ROBO1: variants seen among roughly 807,000 people sequenced by gnomAD.
The protein encoded by ROBO1 is roundabout guidance receptor 1.
Under a neutral mutation model 195.9 loss-of-function variants are expected in ROBO1, and 149 were observed. The observed-to-expected ratio is 0.76, with a 90% CI of 0.67 to 0.87. The LOEUF (loss-of-function observed/expected upper bound fraction) is 0.87. Ranked by LOEUF, ROBO1 falls within the 40% of genes least tolerant of loss-of-function variation. The pLI, the probability that ROBO1 is intolerant of heterozygous loss-of-function variation, is 0.00. For synonymous variants in ROBO1, 816 were observed against 733.2 expected (o/e 1.11, Z -1.82); for missense variants, 1,933 against 2,068.3 (o/e 0.93, Z 1.27).
At chr3:79,194,745 C>A (rs2081602689) in intron 2 of ROBO1, among the ~76,000 whole-genome samples, 1 of 151,590 alleles carries the variant, frequency 6.6e-6, no homozygotes, top group African/African-American at 2.4e-5. Context: ...AAACAAAGAT[C>A]ATCTTATTCT....
intron 2 of ROBO1, among the ~76,000 whole-genome samples, chr3:79,245,287 G>A (rs1000152860): frequency 1.3e-5 from 2 of 151,954 alleles, no homozygotes; most frequent in East Asian, 1.9e-4. Flanking sequence ...TTTTCATATG[G>A]CAAACTACTG....
chr3:79,491,100 T>C (rs1025236514), intron 2 of ROBO1, among the ~76,000 whole-genome samples: 5 of 152,114 alleles, frequency 3.3e-5, no homozygotes, highest in Non-Finnish European at 7.4e-5. Flanking sequence ...GAGCCTTTTG[T>C]TAAAGGGCTT....
intron 1 of ROBO1, among the ~76,000 whole-genome samples, chr3:79,621,363 G>A (rs1021613662): frequency 2.6e-5 from 4 of 152,160 alleles, no homozygotes; most frequent in African/African-American, 9.7e-5. Flanking sequence ...GACTCAGTCT[G>A]CCTGCATCCA....
intron 4 of ROBO1, among the ~76,000 whole-genome samples, chr3:78,800,556 G>A (rs1272468649): frequency 6.6e-6 from 1 of 151,840 alleles, no homozygotes; most frequent in African/African-American, 2.4e-5. Flanking sequence ...TTGTTTGTTT[G>A]TTTGTTTGTT....
chr3:79,525,691 C>T (rs1218838930), intron 2 of ROBO1, among the ~76,000 whole-genome samples: 5 of 149,830 alleles, frequency 3.3e-5, no homozygotes, highest in Middle Eastern at 3.3e-3. Context: ...CTGCAACCTC[C>T]GCTTCCCGGG....
intron 4 of ROBO1, among the ~76,000 whole-genome samples, chr3:78,773,865 TATG>T (rs2083439366): frequency 6.6e-6 from 1 of 152,230 alleles, no homozygotes; most frequent in Admixed American, 6.5e-5. Context: ...GCTTTAATAT[TATG>T]ACTCATTTGC....
At chr3:78,675,514 T>A (rs1232720654) in intron 10 of ROBO1, among the ~76,000 whole-genome samples, 2 of 152,178 alleles carry the variant, frequency 1.3e-5, no homozygotes, top group East Asian at 3.9e-4. Flanking sequence ...CAGGAGATTA[T>A]ATCCCGCACT....
chr3:79,527,633 G>A (rs1283239877), intron 2 of ROBO1, among the ~76,000 whole-genome samples: 1 of 151,970 alleles, frequency 6.6e-6, no homozygotes, highest in Non-Finnish European at 1.5e-5. Context: ...CAGGTTTACT[G>A]TAATAGAACT....
chr3:78,616,095 C>T (rs1704095298), intron 27 of ROBO1, among the ~76,000 whole-genome samples: 1 of 152,142 alleles, frequency 6.6e-6, no homozygotes, highest in Non-Finnish European at 1.5e-5. Context: ...ATTCATTCTA[C>T]TGTGTAAGGC....
intron 2 of ROBO1, among the ~76,000 whole-genome samples, chr3:79,367,207 A>AT (rs769443793): frequency 3.9e-4 from 58 of 150,182 alleles, no homozygotes; most frequent in African/African-American, 7.3e-4. Flanking sequence ...ATAGTATGTT[A>AT]TTTTTTTTTT....
At chr3:79,011,227 T>C (rs576147158) in intron 3 of ROBO1, among the ~76,000 whole-genome samples, 5 of 152,304 alleles carry the variant, frequency 3.3e-5, no homozygotes, top group African/African-American at 1.2e-4. Flanking sequence ...AGGCTTCCTT[T>C]TCAATAAAGC....
intron 2 of ROBO1, among the ~76,000 whole-genome samples, chr3:79,576,618 A>C (rs1215566782): frequency 6.6e-6 from 1 of 152,116 alleles, no homozygotes; most frequent in Non-Finnish European, 1.5e-5. Context: ...CACTAAAACC[A>C]ATGCTTTTGG....
rs888389771 is a variant in ROBO1 at position 79,761,719 on chromosome 3, A to G, written c.-51+6033T>C. On this transcript the variant is annotated intron_variant, in intron 1 of 30. Coordinates refer to ENST00000464233, the MANE Select transcript of ROBO1 (RefSeq NM_002941.4). ...AAGAGTGACTCATGTGATCTAATTT[A>G]CTATACTCTAAGCAAATCTTTCTCT... Among the ~76,000 whole-genome samples the G allele has an allele frequency of 6.6e-5, 10 of 152,310 alleles. No individual in the cohort carries two copies. In the East Asian group the frequency reaches 1.9e-3, roughly 29 times the overall value.
chr3:79,662,901 T>G (rs183193752), intron 1 of ROBO1, among the ~76,000 whole-genome samples: 37 of 152,130 alleles, frequency 2.4e-4, no homozygotes, highest in Admixed American at 1.4e-3. Context: ...TAACAAGGTC[T>G]TTTGACAGAA....
At chr3:79,446,185 T>G (rs1158591849) in intron 2 of ROBO1, among the ~76,000 whole-genome samples, 1 of 152,198 alleles carries the variant, frequency 6.6e-6, no homozygotes, top group Non-Finnish European at 1.5e-5. Context: ...TTTTACCATT[T>G]GTATCCCTTT....
chr3:78,700,331 T>A (rs1313659038), intron 8 of ROBO1, among the ~76,000 whole-genome samples: 2 of 152,232 alleles, frequency 1.3e-5, no homozygotes, highest in Non-Finnish European at 2.9e-5. Context: ...TCCTTCATAG[T>A]ACCCAGCGTA....
intron 2 of ROBO1, among the ~76,000 whole-genome samples, chr3:79,311,029 A>G (rs2033461778): frequency 6.6e-6 from 1 of 152,134 alleles, no homozygotes; most frequent in South Asian, 2.1e-4. Context: ...TCTTTATTTG[A>G]TACGTCAAGC....
chr3:79,562,194 T>C (rs911256765), intron 2 of ROBO1, among the ~76,000 whole-genome samples: 3 of 152,098 alleles, frequency 2.0e-5, no homozygotes, highest in Admixed American at 1.3e-4. Flanking sequence ...CATGCACTAT[T>C]GTTGTAAAGA....
chr3:79,183,644 T>C (rs920534737), intron 2 of ROBO1, among the ~76,000 whole-genome samples: 1 of 152,196 alleles, frequency 6.6e-6, no homozygotes, highest in Non-Finnish European at 1.5e-5. Flanking sequence ...TTGGGGATGG[T>C]TGGGTTACAA....
Sources: allele counts gnomAD v4.1 joint callset (sites outside exome capture counted in the v4.1 genomes callset), GRCh38; gene constraint gnomAD v4.1.1; transcripts MANE v1.5; gene names NCBI Gene and HGNC (gene_info 2026-07-23, HGNC 2026-07-21).